The following NFE2 variants were observed in gnomAD, a reference collection of about 807,000 sequenced individuals.
NFE2 encodes the protein nuclear factor, erythroid 2.
NFE2 carries 13 observed loss-of-function variants against 25.8 expected under a neutral mutation model. The ratio of observed to expected loss-of-function variants is 0.50; its 90% CI spans 0.33 to 0.80. The LOEUF (loss-of-function observed/expected upper bound fraction) is 0.80. Among genes scored for constraint, NFE2 ranks in the 30% least tolerant of loss-of-function variants. The pLI is 0.02. For missense variants in NFE2, 382 were observed against 478.9 expected, an observed-to-expected ratio of 0.80 and a Z score of 1.89; for synonymous variants, 204 against 200.2, an observed-to-expected ratio of 1.02 and a Z score of -0.16.
At chr12:54,295,361 A>G (rs994750015) in intron 1 of NFE2, 57 bp from the exon 2 acceptor site, 43 of 783,900 alleles carry the variant, frequency 5.5e-5, no homozygotes, top group Non-Finnish European at 7.0e-5. Flanking sequence ...GCAAGTTTGC[A>G]CTACCTCCTT....
At position 54,292,449 on chromosome 12, in the gene NFE2, C is replaced by G. The variant is rs1484085554; in HGVS notation, c.1047G>C (p.Glu349Asp). 1.2e-6 allele frequency: 2 copies of G among 1,614,224 alleles called. No homozygotes were observed. The highest frequency in any genetic ancestry group is 1.7e-6 in the Non-Finnish European group (2 of 1,180,038). ...DESGNSYSPE[E>D]YALQQAADGT... ...CATCGGCAGCCTGTTGCAGCGCGTA[C>G]TCTTCAGGAGAGTAGCTGTTGCCTG... Residue 349 changes from glutamate (E) to aspartate (D), a missense_variant, in exon 3 of 3, where the codon GAG becomes GAC. Transcript: ENST00000435572.
At position 54,295,079 on chromosome 12, in the gene NFE2, C is replaced by T. The variant is rs554079241; in HGVS notation, c.114+56G>A. ...CCTCTGCCTCAGTCCTGGCCAACTC[C>T]CTGCTTCTCTCTTCTCCGACACACG... On this transcript the variant is annotated intron_variant, in intron 2 of 2. Coordinates refer to ENST00000435572, the MANE Select transcript of NFE2 (RefSeq NM_001136023.3). The T allele has an allele frequency of 3.2e-5, 48 of 1,479,542 alleles. No individual in the cohort carries two copies. The African/African-American group carries it at 6.1e-4, about 19-fold the overall frequency. The allele number at this position is 1,479,542 out of a possible 1,614,324, so 91.7% of individuals were successfully genotyped here. A position where few individuals can be genotyped will look rare whatever the true frequency, so the allele number is the denominator to read the frequency against.
intron 1 of NFE2, among the ~76,000 whole-genome samples, chr12:54,297,377 AAAAC>A (rs1191517167): frequency 1.3e-5 from 2 of 150,148 alleles, no homozygotes; most frequent in African/African-American, 4.9e-5. Context: ...AAAAAAAAAA[AAAAC>A]GGCCAGGTGC....
chr12:54,294,038 C>A (rs1565886388), intron 2 of NFE2, among the ~76,000 whole-genome samples: 1 of 151,914 alleles, frequency 6.6e-6, no homozygotes, highest in Non-Finnish European at 1.5e-5. Context: ...GAGGCCAAGG[C>A]GGGCGGATCA....
Position 54,293,216 on chromosome 12 carries a change from C to G in NFE2, c.280G>C (p.Asp94His). 2 of 1,604,510 alleles carry G rather than the reference C, an allele frequency of 1.2e-6. No individual in the cohort carries two copies. The highest frequency in any genetic ancestry group is 1.7e-6 in the Non-Finnish European group (2 of 1,175,018). Reference protein sequence around the residue: ...ELPASTSHVPDPPYSYGNMAI... With the variant: ...ELPASTSHVPHPPYSYGNMAI... Reference sequence around the variant, plus strand: ...ATGTTGCCATAGGAGTATGGGGGATCTGGGACATGGGATGTGGATGCTGGG... The same window carrying G: ...ATGTTGCCATAGGAGTATGGGGGATGTGGGACATGGGATGTGGATGCTGGG... The change falls in exon 3 of 3, where the codon GAT (aspartate) becomes CAT (histidine). Residue 94 changes from aspartate to histidine, a missense_variant. Coordinates refer to ENST00000435572, the MANE Select transcript of NFE2 (RefSeq NM_001136023.3).
In NFE2 at chr12:54,292,834, TC is replaced by T; in HGVS notation, c.661del (p.Glu221ArgfsTer13). ...PVRAKPTARG[E>X]AGSRDERRAL... ...CCGACGTTCATCCCGACTCCCTGCC[TC>T]CCCCCGTGCAGTGGGCTTAGCCCGC... On this transcript the variant is annotated frameshift_variant, in exon 3 of 3. Coordinates refer to ENST00000435572, the MANE Select transcript of NFE2 (RefSeq NM_001136023.3). LOFTEE classifies it high-confidence loss of function. The T allele has an allele frequency of 6.2e-7, 1 of 1,613,904 alleles. No individual in the cohort carries two copies. Among genetic ancestry groups the T allele is most frequent in the Non-Finnish European group, 8.5e-7 (1 of 1,179,982 alleles).
chr12:54,295,909 G>C (rs1309188707), intron 1 of NFE2: 1 of 153,516 alleles, frequency 6.5e-6, no homozygotes, highest in Non-Finnish European at 1.4e-5. Context: ...CCAGATAAGA[G>C]GTTTATCAGT....
chr12:54,293,128 G>C lies in NFE2; in HGVS notation c.368C>G (p.Pro123Arg). The change falls in exon 3 of 3, where the codon CCC becomes CGC. Residue 123 changes from proline to arginine, a missense_variant. Physicochemically the swap from Pro to Arg is moderately radical, Grantham distance 103. Coordinates refer to ENST00000435572, the MANE Select transcript of NFE2 (RefSeq NM_001136023.3). Reference protein sequence around the residue: ...SGLLSEPLQDPLALLDIGLPA... With the variant: ...SGLLSEPLQDRLALLDIGLPA... The stretch of plus-strand genomic sequence containing the variant: ...CAGCCCAATGTCCAGGAGGGCTAAG[G>C]GGTCTTGGAGCGGCTCACTGAGCAG... 6.5e-7 allele frequency: 1 copy of C among 1,527,694 alleles called. No individual in the cohort carries two copies. The highest frequency in any genetic ancestry group is 8.8e-7 in the Non-Finnish European group (1 of 1,138,402). The allele number at this position is 1,527,694 out of a possible 1,614,324, so 94.6% of individuals were successfully genotyped here.
Position 54,292,428 on chromosome 12 carries a change from G to T in NFE2, c.1068C>A (p.Ala356=). The change falls in exon 3 of 3, where the codon GCC becomes GCA. Residue 356 remains alanine, a synonymous_variant. Coordinates refer to ENST00000435572, the MANE Select transcript of NFE2 (RefSeq NM_001136023.3). ...SPEEYALQQA[A]DGTIFLVPRG... Reference sequence around the variant, plus strand: ...GGGGCACAAGGAAGATGGTCCCATCGGCAGCCTGTTGCAGCGCGTACTCTT... The same window carrying T: ...GGGGCACAAGGAAGATGGTCCCATCTGCAGCCTGTTGCAGCGCGTACTCTT... The T allele has an allele frequency of 6.2e-7, 1 of 1,614,184 alleles. No individual in the cohort carries two copies.
chr12:54,293,879 A>G (rs1944344189), intron 2 of NFE2, among the ~76,000 whole-genome samples: 1 of 152,008 alleles, frequency 6.6e-6, no homozygotes, highest in Non-Finnish European at 1.5e-5. Flanking sequence ...CAGCTTTAGC[A>G]AGAATGGAAG....
chr12:54,298,184 G>C (rs1214956855), intron 1 of NFE2, among the ~76,000 whole-genome samples: 1 of 152,060 alleles, frequency 6.6e-6, no homozygotes, highest in Non-Finnish European at 1.5e-5. Context: ...TGCCCTAGGA[G>C]GCCAGAGACC....
chr12:54,293,282 G>T lies in NFE2; in HGVS notation c.214C>A (p.Pro72Thr). ...GGAGGAAGTGGGAAGCCAGAATCTG[G>T]GTGGATTGAGCAGGGGCAGTAAGTT... is the stretch of plus-strand genomic sequence containing the variant. Reference protein sequence around the residue: ...PTTYCPCSIHPDSGFPLPPPP... With the variant: ...PTTYCPCSIHTDSGFPLPPPP... The change falls in exon 3 of 3, where the codon CCA becomes ACA. Residue 72 changes from proline (P) to threonine (T), a missense_variant. By Grantham distance (38) the Pro-to-Thr change is conservative (BLOSUM62 -1). Coordinates refer to ENST00000435572, the MANE Select transcript of NFE2 (RefSeq NM_001136023.3). 6.2e-7 allele frequency: 1 copy of T among 1,611,954 alleles called. No individual in the cohort carries two copies. Among genetic ancestry groups the T allele is most frequent in the Non-Finnish European group, 8.5e-7 (1 of 1,178,868 alleles).
chr12:54,294,926 T>C (rs36097568), intron 2 of NFE2, among the ~76,000 whole-genome samples: 49 of 152,168 alleles, frequency 3.2e-4, no homozygotes, highest in Non-Finnish European at 5.0e-4. Flanking sequence ...CCCAATCAGA[T>C]CATTCCCTCC....
At position 54,295,124 on chromosome 12, in the gene NFE2, C is replaced by G. The variant is rs144435821; in HGVS notation, c.114+11G>C. Reference sequence around the variant, plus strand: ...CACACGGCCTCCCCTGCCCTATCCCCCCTTACTCACCTGCAGCTCGGTGAT... The same window carrying G: ...CACACGGCCTCCCCTGCCCTATCCCGCCTTACTCACCTGCAGCTCGGTGAT... On this transcript the variant is annotated intron_variant, in intron 2 of 2. Transcript: ENST00000435572. The G allele has an allele frequency of 3.7e-6, 6 of 1,610,740 alleles. No individual in the cohort carries two copies. The highest frequency in any genetic ancestry group is 5.1e-6 in the Non-Finnish European group (6 of 1,177,024).
intron 1 of NFE2, among the ~76,000 whole-genome samples, chr12:54,298,491 G>C (rs181267957): frequency 0.012 from 1,449 of 121,832 alleles, 9 homozygotes; most frequent in Non-Finnish European, 0.016. Context: ...TGGGCAACAA[G>C]AGTGAAACTC....
intron 1 of NFE2, chr12:54,295,535 G>A (rs1474720263): frequency 6.6e-6 from 2 of 300,970 alleles, no homozygotes; most frequent in South Asian, 4.6e-5. Flanking sequence ...TAGCACAGGA[G>A]GTCTTTACCT....
chr12:54,292,604 G>C lies in NFE2; in HGVS notation c.892C>G (p.Leu298Val). 6.2e-7 allele frequency: 1 copy of C among 1,614,148 alleles called. No homozygotes were observed. The highest frequency in any genetic ancestry group is 8.5e-7 in the Non-Finnish European group (1 of 1,180,034). Residue 298 changes from leucine to valine, a missense_variant, in exon 3 of 3, where the codon CTG (leucine) becomes GTG (valine). Transcript: ENST00000435572. ...TCCCGTTCATTGGTCAGCCGCTCCA[G>C]CTCCCGCTCCAGCTGCACAATGGTT... The part of the protein sequence containing the change: ...LETIVQLERE[L>V]ERLTNERERL...
At chr12:54,294,901 G>A (rs969796882) in intron 2 of NFE2, among the ~76,000 whole-genome samples, 2 of 151,944 alleles carry the variant, frequency 1.3e-5, no homozygotes, top group Non-Finnish European at 2.9e-5. Context: ...AGTGGCTGCT[G>A]AGAGAGCCTA....
At chr12:54,299,271 G>C (rs1944401054) in intron 1 of NFE2, among the ~76,000 whole-genome samples, 1 of 152,162 alleles carries the variant, frequency 6.6e-6, no homozygotes, top group African/African-American at 2.4e-5. Flanking sequence ...CTACCTTTCA[G>C]AGGACAGCAG....
Sources: allele counts gnomAD v4.1 joint callset (sites outside exome capture counted in the v4.1 genomes callset), GRCh38; gene constraint gnomAD v4.1.1; transcripts MANE v1.5; gene names NCBI Gene and HGNC (gene_info 2026-07-23, HGNC 2026-07-21).